Variants in PLCZ1 observed in about 807,000 individuals in gnomAD.
PLCZ1 encodes the protein phospholipase C zeta 1, also known as 1-phosphatidylinositol 4,5-bisphosphate phosphodiesterase zeta-1.
Under a neutral mutation model 76.8 loss-of-function variants are expected in PLCZ1, and 64 were observed. The observed-to-expected ratio is 0.83, with a 90% CI of 0.68 to 1.03. PLCZ1 has a LOEUF of 1.03. Among genes scored for constraint, PLCZ1 ranks in the 50% least tolerant of loss-of-function variants. PLCZ1 has a pLI of 0.00. For synonymous variants in PLCZ1, 248 were observed against 230.8 expected, an observed-to-expected ratio of 1.07 and a Z score of -0.68; for missense variants, 751 against 713.7, an observed-to-expected ratio of 1.05 and a Z score of -0.60.
At chr12:18,666,837 G>A in the PLCZ1 span, among the ~76,000 whole-genome samples, 1 of 152,008 alleles carries the variant, frequency 6.6e-6, no homozygotes. Context: ...CTGGTTATGT[G>A]GTATATGGAA....
At chr12:18,700,855 A>G (rs578046614) in intron 9 of PLCZ1, among the ~76,000 whole-genome samples, 1 of 152,274 alleles carries the variant, frequency 6.6e-6, no homozygotes, top group Non-Finnish European at 1.5e-5. Context: ...AACATTATGT[A>G]TTATTAATAT....
At chr12:18,658,598 AAGG>A in the PLCZ1 span, among the ~76,000 whole-genome samples, 32 of 152,234 alleles carry the variant, frequency 2.1e-4, no homozygotes, top group East Asian at 5.6e-3. Flanking sequence ...TTGAAAAATA[AAGG>A]AGAATTTTTT....
chr12:18,693,298 T>C, intron 12 of PLCZ1: 2 of 1,529,818 alleles, frequency 1.3e-6, no homozygotes, highest in East Asian at 2.2e-5. Context: ...GTCACAGTGA[T>C]GAAGGTGGAA....
At chr12:18,699,335 A>G (rs1221379975) in intron 10 of PLCZ1, among the ~76,000 whole-genome samples, 1 of 152,168 alleles carries the variant, frequency 6.6e-6, no homozygotes. Flanking sequence ...AATCTTTATT[A>G]CCGCCTTCCT....
At chr12:18,690,302 C>T (rs1402261726) in intron 12 of PLCZ1, among the ~76,000 whole-genome samples, 2 of 152,126 alleles carry the variant, frequency 1.3e-5, no homozygotes, top group Admixed American at 6.6e-5. Flanking sequence ...CGGCTCACTG[C>T]AACCTCTGCC....
At chr12:18,668,295 C>T in the PLCZ1 span, among the ~76,000 whole-genome samples, 319 of 152,320 alleles carry the variant, frequency 2.1e-3, 1 homozygote, top group African/African-American at 7.2e-3. Context: ...ACCTTCCCTA[C>T]GGATAATAAT....
chr12:18,716,118 C>A (rs1957956237), intron 5 of PLCZ1, among the ~76,000 whole-genome samples: 1 of 152,004 alleles, frequency 6.6e-6, no homozygotes, highest in African/African-American at 2.4e-5. Context: ...TTCTTAATTT[C>A]TATGGAAGAA....
downstream of PLCZ1, among the ~76,000 whole-genome samples, chr12:18,682,005 T>C (rs1952463380): frequency 6.6e-6 from 1 of 152,048 alleles, no homozygotes; most frequent in South Asian, 2.1e-4. Context: ...GAACAGTAGA[T>C]GATTTAAATA....
chr12:18,698,432 C>T (rs1955426130), intron 10 of PLCZ1, among the ~76,000 whole-genome samples: 1 of 151,896 alleles, frequency 6.6e-6, no homozygotes, highest in South Asian at 2.1e-4. Context: ...TTAAAAAATC[C>T]AGGATCTCTC....
intron 12 of PLCZ1, chr12:18,693,626 A>G: frequency 3.2e-6 from 5 of 1,565,292 alleles, no homozygotes; most frequent in Non-Finnish European, 4.4e-6. Flanking sequence ...CATTGTGTTT[A>G]TTGATGAAAT....
chr12:18,659,313 A>G, the PLCZ1 span, among the ~76,000 whole-genome samples: 2 of 152,286 alleles, frequency 1.3e-5, no homozygotes, highest in Admixed American at 6.6e-5. Context: ...TGAGAAAACA[A>G]AAGTAGTCAG....
intron 3 of PLCZ1, among the ~76,000 whole-genome samples, chr12:18,724,793 A>T (rs994852684): frequency 2.0e-5 from 3 of 152,118 alleles, no homozygotes; most frequent in African/African-American, 7.2e-5. Flanking sequence ...AAGCAAGTCA[A>T]TAAAAATTTA....
chr12:18,708,690 G>A (rs1317935770), intron 6 of PLCZ1, among the ~76,000 whole-genome samples: 1 of 152,062 alleles, frequency 6.6e-6, no homozygotes, highest in Non-Finnish European at 1.5e-5. Context: ...ACTTTTTGAT[G>A]AGACCTTCTA....
At chr12:18,648,455 T>A in the PLCZ1 span, 4 of 190,658 alleles carry the variant, frequency 2.1e-5, no homozygotes, top group Admixed American at 2.5e-4. Context: ...AAAACTTAAA[T>A]TATATATACT....
chr12:18,695,017 T>C lies in PLCZ1; in HGVS notation c.1354A>G (p.Asn452Asp). The C allele has an allele frequency of 6.2e-7, 1 of 1,612,670 alleles. No individual in the cohort carries two copies. The highest frequency in any genetic ancestry group is 1.7e-5 in the Admixed American group (1 of 59,962). The change falls in exon 12 of 15, where the codon AAT becomes GAT. Residue 452 changes from asparagine (N) to aspartate (D), a missense_variant. Asn to Asp is a conservative substitution (Grantham distance 23). Coordinates refer to ENST00000266505, the MANE Select transcript of PLCZ1 (RefSeq NM_033123.4). Reference protein sequence around the residue: ...MDLQNGKFLDNGGSGYILKPH... With the variant: ...MDLQNGKFLDDGGSGYILKPH... ...TTCAAAATATATCCAGAACCACCAT[T>C]ATCCAAAAATTTCCCATTTTGCAGA...
the PLCZ1 span, among the ~76,000 whole-genome samples, chr12:18,657,249 C>T: frequency 6.6e-6 from 1 of 152,018 alleles, no homozygotes; most frequent in Admixed American, 6.6e-5. Context: ...AACCTGGGGG[C>T]GAAAGACTGG....
intron 10 of PLCZ1, among the ~76,000 whole-genome samples, chr12:18,699,281 A>G (rs953691071): frequency 2.0e-4 from 31 of 152,144 alleles, no homozygotes; most frequent in African/African-American, 7.2e-4. Flanking sequence ...TTCAATGCCT[A>G]TTAAATCCAC....
In PLCZ1 at chr12:18,719,640, A is replaced by C. The variant is rs1238546895; in HGVS notation, c.368-8T>G. 6.4e-7 allele frequency: 1 copy of C among 1,553,372 alleles called. No homozygotes were observed. Among genetic ancestry groups the C allele is most frequent in the Admixed American group, 1.8e-5 (1 of 55,834 alleles). On this transcript the variant is annotated splice_polypyrimidine_tract_variant and splice_region_variant and intron_variant, in intron 4 of 14. Transcript: ENST00000266505. ...TTTGGTGTGCTTTCCTAACTAAAAA[A>C]ATAAAATAAAATAAGTTAAAAGGAT... is the stretch of plus-strand genomic sequence containing the variant.
In PLCZ1 at chr12:18,693,993, C is replaced by A. The variant is rs527602293; in HGVS notation, c.1461+917G>T. On this transcript the variant is annotated intron_variant, in intron 12 of 14. Transcript: ENST00000266505. ...GTCTGTACAGAAGCTGGTCTGATGG[C>A]CTTAAGAGAACGTAGAATGAAAGTA... 2.7e-6 allele frequency: 4 copies of A among 1,489,934 alleles called. No homozygotes were observed. The East Asian group carries it at 9.1e-5, about 34-fold the overall frequency. 92.3% of individuals were successfully genotyped at this position (1,489,934 alleles called of 1,614,324 possible). A position where few individuals can be genotyped will look rare whatever the true frequency, so the allele number is the denominator to read the frequency against.
Sources: gnomAD v4.1 joint callset for allele counts (sites outside exome capture counted in the v4.1 genomes callset) on GRCh38, gnomAD v4.1.1 for gene constraint, MANE v1.5 for transcripts, NCBI Gene and HGNC (gene_info 2026-07-23, HGNC 2026-07-21) for gene names.